The following JAK1 variants were observed in gnomAD, a reference collection of about 807,000 sequenced individuals.
The protein encoded by JAK1 is tyrosine-protein kinase JAK1.
Under a neutral mutation model 136.6 loss-of-function variants are expected in JAK1, and 16 were observed. The ratio of observed to expected loss-of-function variants is 0.12; its 90% CI spans 0.08 to 0.18. JAK1 has a LOEUF of 0.18. JAK1 is among the 10% of genes least tolerant of loss of function. The probability of loss-of-function intolerance (pLI) is 1.00; values close to 1 mark genes in which losing one functional copy is unlikely to be tolerated. For missense variants in JAK1, 859 were observed against 1,450.1 expected (o/e 0.59, Z 6.62); for synonymous variants, 492 against 519.5 (o/e 0.95, Z 0.72).
intron 2 of JAK1, among the ~76,000 whole-genome samples, chr1:65,004,627 C>CA (rs61196780): frequency 0.1 from 15,941 of 152,146 alleles, 1,286 homozygotes; most frequent in East Asian, 0.28. Flanking sequence ...ACCAAAATTG[C>CA]AAAACAAGTA....
chr1:65,039,785 G>T (rs1366632979), intron 2 of JAK1, among the ~76,000 whole-genome samples: 1 of 152,156 alleles, frequency 6.6e-6, no homozygotes, highest in African/African-American at 2.4e-5. Flanking sequence ...AGGGTTATGT[G>T]TTCTATTTGG....
Position 64,847,672 on chromosome 1 carries a change from C to T in JAK1, c.1759G>A (p.Glu587Lys). 1.2e-6 allele frequency: 2 copies of T among 1,613,696 alleles called. No individual in the cohort carries two copies. The highest frequency in any genetic ancestry group is 1.7e-6 in the Non-Finnish European group (2 of 1,179,806). The change falls in exon 13 of 25, where the codon GAG becomes AAG. Residue 587 changes from glutamate to lysine, a missense_variant. Around this residue, in one of 4 missense-constraint regions of JAK1, gnomAD observed 409 missense variants for 753.8 expected, o/e 0.54. Coordinates refer to ENST00000342505, the MANE Select transcript of JAK1 (RefSeq NM_002227.4). ...GTTCTCGTGCCTCTCCCAAGGTGCTCGCCCTGAGGGAAGAAGCAGAAGGCT... is the reference window on the plus strand; with the variant it reads ...GTTCTCGTGCCTCTCCCAAGGTGCTTGCCCTGAGGGAAGAAGCAGAAGGCT... ...RILKKDLVQG[E>K]HLGRGTRTHI...
chr1:64,943,056 ATGGGAAATAAC>A (rs1645919333), intron 1 of JAK1, among the ~76,000 whole-genome samples: 2 of 152,316 alleles, frequency 1.3e-5, no homozygotes, highest in South Asian at 4.1e-4. Context: ...TATTTGGCTA[ATGGGAAATAAC>A]TCAAAAGTCA....
In JAK1 at chr1:65,008,944, T is replaced by C. The variant is rs374149832; in HGVS notation, c.-78+35536A>G. On this transcript the variant is annotated intron_variant, in intron 2 of 25. Transcript: ENST00000671954. ...GCTCAAGCAAACCTGTCTTGGCCTC[T>C]AGAAGTGCTGGGATTTCAGGCGTGA... Among the ~76,000 whole-genome samples the C allele has an allele frequency of 1.2e-4, 18 of 152,282 alleles. 1 individual carries two copies. Among genetic ancestry groups the C allele is most frequent in the Admixed American group, 3.3e-4 (5 of 15,304 alleles).
chr1:65,067,175 C>T (rs1648092312), intron 1 of JAK1, among the ~76,000 whole-genome samples: 2 of 151,774 alleles, frequency 1.3e-5, no homozygotes, highest in African/African-American at 4.8e-5. Context: ...CCCCCGCGCT[C>T]CGCCGCCTAC....
At chr1:65,061,017 T>TA (rs1647769500) in intron 1 of JAK1, among the ~76,000 whole-genome samples, 1 of 152,208 alleles carries the variant, frequency 6.6e-6, no homozygotes, top group Admixed American at 6.5e-5. Flanking sequence ...TCTTCTATGT[T>TA]AAAAATGATA....
intron 1 of JAK1, among the ~76,000 whole-genome samples, chr1:64,917,856 C>A (rs1253848338): frequency 6.6e-6 from 1 of 152,160 alleles, no homozygotes; most frequent in Non-Finnish European, 1.5e-5. Flanking sequence ...CTATGAGAAG[C>A]CCTGTTTCCC....
chr1:64,920,663 T>C (rs1325024108), intron 1 of JAK1, among the ~76,000 whole-genome samples: 1 of 152,216 alleles, frequency 6.6e-6, no homozygotes, highest in Admixed American at 6.5e-5. Context: ...TGGTGTGGAC[T>C]GAATGAGTTC....
intron 2 of JAK1, among the ~76,000 whole-genome samples, chr1:65,000,316 A>G (rs545188827): frequency 1.1e-3 from 166 of 152,144 alleles, no homozygotes; most frequent in Middle Eastern, 6.8e-3. Flanking sequence ...CAGAAAATCT[A>G]CCCATGCAAA....
intron 8 of JAK1, 55 bp downstream of exon 8, chr1:64,864,732 C>A: frequency 7.5e-7 from 1 of 1,331,440 alleles, no homozygotes; most frequent in Non-Finnish European, 1.1e-6. Flanking sequence ...CGGAACTCAG[C>A]AATTCTCCCT....
chr1:64,840,559 T>C, intron 19 of JAK1, among the ~76,000 whole-genome samples: 1 of 152,232 alleles, frequency 6.6e-6, no homozygotes, highest in Non-Finnish European at 1.5e-5. Context: ...CTTACAGGGC[T>C]GGGTATGGTG....
chr1:64,838,972 C>T (rs1007045542), intron 20 of JAK1, among the ~76,000 whole-genome samples: 6 of 149,412 alleles, frequency 4.0e-5, no homozygotes, highest in African/African-American at 9.9e-5. Context: ...GGTGAAACCC[C>T]GTCTCTACTA....
intron 1 of JAK1, among the ~76,000 whole-genome samples, chr1:64,913,800 G>C (rs1351756376): frequency 1.3e-5 from 2 of 151,968 alleles, no homozygotes; most frequent in African/African-American, 4.8e-5. Flanking sequence ...TGGATCAGAC[G>C]AGGTTTCACA....
At chr1:64,934,177 T>G (rs1569602578) in intron 1 of JAK1, among the ~76,000 whole-genome samples, 2 of 152,214 alleles carry the variant, frequency 1.3e-5, no homozygotes, top group South Asian at 4.1e-4. Context: ...GGTCACCAAT[T>G]GGGATCAGTG....
chr1:64,857,311 G>A (rs1440994247), intron 10 of JAK1, among the ~76,000 whole-genome samples: 2 of 152,226 alleles, frequency 1.3e-5, no homozygotes, highest in African/African-American at 4.8e-5. Flanking sequence ...GTGGCACTGA[G>A]TCTAAATAAA....
chr1:65,018,871 C>A (rs1377043655), intron 2 of JAK1, among the ~76,000 whole-genome samples: 1 of 152,022 alleles, frequency 6.6e-6, no homozygotes, highest in Admixed American at 6.6e-5. Context: ...ATTAGCCGGG[C>A]GTGGTGGCGG....
rs544416311 is a variant in JAK1 at position 64,999,160 on chromosome 1, C to T, written c.-78+45320G>A. On this transcript the variant is annotated intron_variant, in intron 2 of 25. Coordinates refer to the JAK1 transcript ENST00000671954. ...GTGATGAGATCTAATTTCATCATGA[C>T]CTTGAAGGCTCTATAAATCACTTTC... Among the ~76,000 whole-genome samples the T allele has an allele frequency of 2.2e-4, 34 of 152,268 alleles. No homozygotes were observed. The South Asian group carries it at 6.8e-3, about 31-fold the overall frequency.
intron 8 of JAK1, 37 bp from the exon 9 acceptor site, chr1:64,860,299 G>A (rs1378431379): frequency 6.4e-7 from 1 of 1,555,302 alleles, no homozygotes; most frequent in Non-Finnish European, 8.7e-7. Flanking sequence ...GTTACATCAT[G>A]TCTCTATCAG....
intron 1 of JAK1, among the ~76,000 whole-genome samples, chr1:65,044,842 T>C (rs1647170537): frequency 6.6e-6 from 1 of 152,246 alleles, no homozygotes; most frequent in Non-Finnish European, 1.5e-5. Flanking sequence ...TGTGATGCCC[T>C]GGGCAAGTCT....
Sources: allele counts gnomAD v4.1 joint callset (sites outside exome capture counted in the v4.1 genomes callset), GRCh38; gene constraint gnomAD v4.1.1; regional missense constraint gnomAD v4.1.1; transcripts MANE v1.5; gene names NCBI Gene and HGNC (gene_info 2026-07-23, HGNC 2026-07-21).